Variants in PID1 observed in about 807,000 individuals in gnomAD.
PID1 encodes the protein PTB-containing, cubilin and LRP1-interacting protein.
Under a neutral mutation model 19.1 loss-of-function variants are expected in PID1, and 10 were observed. That is an observed-to-expected ratio of 0.52 (90% CI 0.32 to 0.89). PID1 has a LOEUF of 0.89. Among genes scored for constraint, PID1 ranks in the 40% least tolerant of loss-of-function variants. The probability of loss-of-function intolerance (pLI) is 0.03; values close to 1 mark genes in which losing one functional copy is unlikely to be tolerated. For missense variants in PID1, 248 were observed against 285.3 expected, an observed-to-expected ratio of 0.87 and a Z score of 0.94; for synonymous variants, 130 against 116.0, an observed-to-expected ratio of 1.12 and a Z score of -0.78.
intron 2 of PID1, among the ~76,000 whole-genome samples, chr2:229,077,746 A>G (rs188442815): frequency 1.7e-4 from 26 of 152,006 alleles, no homozygotes; most frequent in Non-Finnish European, 3.2e-4. Context: ...TGGTCTATAT[A>G]CCCGTTTTGG....
intron 1 of PID1, among the ~76,000 whole-genome samples, chr2:229,176,742 A>G (rs2106214598): frequency 6.6e-6 from 1 of 152,346 alleles, no homozygotes; most frequent in East Asian, 1.9e-4. Flanking sequence ...CATGTAGTTA[A>G]CAAAGGGAAG....
At chr2:229,213,108 C>G (rs1691773928) in intron 1 of PID1, among the ~76,000 whole-genome samples, 1 of 152,138 alleles carries the variant, frequency 6.6e-6, no homozygotes, top group Non-Finnish European at 1.5e-5. Context: ...ACAGGTCAGG[C>G]CTGGACTTCA....
At chr2:229,149,167 GC>G (rs1192473249) in intron 2 of PID1, among the ~76,000 whole-genome samples, 1 of 151,906 alleles carries the variant, frequency 6.6e-6, no homozygotes, top group Non-Finnish European at 1.5e-5. Flanking sequence ...TTCAAGAAAT[GC>G]CCCAAATGGC....
intron 1 of PID1, among the ~76,000 whole-genome samples, chr2:229,236,995 C>T (rs982975702): frequency 6.7e-6 from 1 of 150,216 alleles, no homozygotes; most frequent in Admixed American, 6.6e-5. Context: ...CATACACACA[C>T]ACACACACAC....
intron 2 of PID1, among the ~76,000 whole-genome samples, chr2:229,097,134 A>T (rs1051814347): frequency 6.6e-6 from 1 of 152,202 alleles, no homozygotes; most frequent in African/African-American, 2.4e-5. Context: ...TGATTATGAA[A>T]ATGAAGTTCT....
At chr2:229,143,709 T>C (rs1690066335) in intron 2 of PID1, among the ~76,000 whole-genome samples, 1 of 152,134 alleles carries the variant, frequency 6.6e-6, no homozygotes, top group African/African-American at 2.4e-5. Context: ...GACTGGATCA[T>C]GGGGGCCGTT....
At chr2:229,189,099 C>G (rs1691200338) in intron 1 of PID1, among the ~76,000 whole-genome samples, 1 of 152,162 alleles carries the variant, frequency 6.6e-6, no homozygotes, top group Admixed American at 6.5e-5. Flanking sequence ...TGTCTATTAA[C>G]CACATCTCAT....
chr2:229,262,538 T>G (rs905704832), intron 1 of PID1: 2 of 1,245,778 alleles, frequency 1.6e-6, no homozygotes, highest in South Asian at 3.6e-5. Flanking sequence ...TATGTGAAAG[T>G]TGGGGATACC....
chr2:229,233,223 T>C (rs1050784900), intron 1 of PID1, among the ~76,000 whole-genome samples: 2 of 152,196 alleles, frequency 1.3e-5, no homozygotes, highest in Non-Finnish European at 2.9e-5. Context: ...ATAATATGAA[T>C]TATTCAAATT....
At position 229,036,905 on chromosome 2, in the gene PID1, C is replaced by T. The variant is rs76419785; in HGVS notation, c.178-10797G>A. 3.1e-3 allele frequency among the ~76,000 whole-genome samples: 477 copies of T among 152,302 alleles called. 19 individuals are homozygous for T. In the East Asian group the frequency reaches 0.067, roughly 21 times the overall value. On this transcript the variant is annotated intron_variant, in intron 2 of 2. Coordinates refer to ENST00000392055, the MANE Select transcript of PID1 (RefSeq NM_001100818.2). ...TTAGCCAGGTTAACCTGCCTGACCA[C>T]GAAGTAGAGGGTAAGCTTAGCTGCC...
intron 1 of PID1, among the ~76,000 whole-genome samples, chr2:229,188,697 C>G (rs1051047627): frequency 6.7e-6 from 1 of 148,184 alleles, no homozygotes; most frequent in Non-Finnish European, 1.5e-5. Flanking sequence ...TGAGATCGTA[C>G]CACTGCACTC....
chr2:229,046,576 T>TAA (rs397937932), intron 2 of PID1, among the ~76,000 whole-genome samples: 104 of 147,152 alleles, frequency 7.1e-4, no homozygotes, highest in African/African-American at 2.6e-3. Context: ...TCAGAAAAAG[T>TAA]AAAAAAAAAA....
intron 2 of PID1, among the ~76,000 whole-genome samples, chr2:229,119,878 G>T (rs983106677): frequency 6.6e-6 from 1 of 152,114 alleles, no homozygotes; most frequent in African/African-American, 2.4e-5. Flanking sequence ...GCAGAGGAAG[G>T]TTGGATTCCC....
At chr2:229,249,774 C>G (rs182844482) in intron 1 of PID1, among the ~76,000 whole-genome samples, 36 of 148,758 alleles carry the variant, frequency 2.4e-4, no homozygotes, top group South Asian at 6.5e-4. Context: ...ATCCCCCAGG[C>G]AGGGCAGGTG....
intron 2 of PID1, among the ~76,000 whole-genome samples, chr2:229,116,167 C>T (rs972767887): frequency 6.6e-6 from 1 of 152,094 alleles, no homozygotes; most frequent in African/African-American, 2.4e-5. Context: ...GTGGAGCTTG[C>T]AGTGAGCCGA....
chr2:229,238,912 A>G (rs774889456), intron 1 of PID1, among the ~76,000 whole-genome samples: 36 of 152,070 alleles, frequency 2.4e-4, no homozygotes, highest in Non-Finnish European at 3.1e-4. Flanking sequence ...AGCATTAGTA[A>G]TGACCTCAAG....
chr2:229,076,135 C>T (rs1391587598), intron 2 of PID1, among the ~76,000 whole-genome samples: 1 of 152,156 alleles, frequency 6.6e-6, no homozygotes, highest in Non-Finnish European at 1.5e-5. Context: ...ATTGAAGTTT[C>T]CTTGCGTAGG....
intron 2 of PID1, among the ~76,000 whole-genome samples, chr2:229,044,667 G>A (rs1389320087): frequency 6.6e-6 from 1 of 152,112 alleles, no homozygotes; most frequent in Non-Finnish European, 1.5e-5. Context: ...CTGAGGAAAT[G>A]GCCATCACAG....
intron 2 of PID1, among the ~76,000 whole-genome samples, chr2:229,149,483 T>A (rs186912628): frequency 1.7e-3 from 255 of 152,308 alleles, no homozygotes; most frequent in Non-Finnish European, 3.0e-3. Flanking sequence ...CCCCTGATAG[T>A]ATTTAAGGGT....
Sources: allele counts gnomAD v4.1 joint callset (sites outside exome capture counted in the v4.1 genomes callset), GRCh38; gene constraint gnomAD v4.1.1; transcripts MANE v1.5; gene names NCBI Gene and HGNC (gene_info 2026-07-23, HGNC 2026-07-21).